The following GRIA1 variants were observed in gnomAD, a reference collection of about 807,000 sequenced individuals.
The protein encoded by GRIA1 is glutamate receptor 1.
GRIA1 carries 31 observed loss-of-function variants against 99.2 expected under a neutral mutation model. That is an observed-to-expected ratio of 0.31 (90% CI 0.23 to 0.42). The LOEUF (loss-of-function observed/expected upper bound fraction) is 0.42, where lower values mean the gene tolerates loss of function less well. Among genes scored for constraint, GRIA1 ranks in the 10% least tolerant of loss-of-function variants. The pLI is 1.00. For synonymous variants in GRIA1, 438 were observed against 432.4 expected (o/e 1.01, Z -0.16); for missense variants, 782 against 1,157.5 (o/e 0.68, Z 4.71).
chr5:153,596,349 T>C (rs1364574107), intron 2 of GRIA1, among the ~76,000 whole-genome samples: 1 of 152,226 alleles, frequency 6.6e-6, no homozygotes, highest in East Asian at 1.9e-4. Context: ...TTCGGCTCTG[T>C]CCACATGTAC....
intron 5 of GRIA1, among the ~76,000 whole-genome samples, 197 bp downstream of exon 5, chr5:153,656,069 C>T (rs1754923261): frequency 6.6e-6 from 1 of 152,092 alleles, no homozygotes; most frequent in Non-Finnish European, 1.5e-5. Context: ...ATTCATGAAC[C>T]TCTAACCTTC....
At chr5:153,637,923 T>A (rs1026017471) in intron 2 of GRIA1, among the ~76,000 whole-genome samples, 1 of 152,192 alleles carries the variant, frequency 6.6e-6, no homozygotes, top group Non-Finnish European at 1.5e-5. Context: ...AGCAGAAAAA[T>A]GAGGATTTGG....
chr5:153,669,052 C>A (rs1161139644), intron 5 of GRIA1, among the ~76,000 whole-genome samples: 1 of 152,174 alleles, frequency 6.6e-6, no homozygotes, highest in Non-Finnish European at 1.5e-5. Flanking sequence ...TTCCAAAGGT[C>A]TCTTAACCAT....
chr5:153,676,962 T>C (rs1466399753), intron 6 of GRIA1, 32 bp from the exon 7 acceptor site: 1 of 1,356,870 alleles, frequency 7.4e-7, no homozygotes, highest in African/African-American at 1.5e-5. Flanking sequence ...CAGCTCTCTT[T>C]GATACCTAAC....
chr5:153,513,348 G>A (rs1361015532), intron 2 of GRIA1, among the ~76,000 whole-genome samples: 2 of 152,056 alleles, frequency 1.3e-5, no homozygotes, highest in Non-Finnish European at 2.9e-5. Flanking sequence ...CATCTCACTA[G>A]ACCAAGAAAA....
chr5:153,667,507 A>C (rs1030096650), intron 5 of GRIA1, among the ~76,000 whole-genome samples: 2 of 152,202 alleles, frequency 1.3e-5, no homozygotes, highest in Admixed American at 1.3e-4. Flanking sequence ...TTTTGACCCA[A>C]TGATAATGAT....
intron 2 of GRIA1, among the ~76,000 whole-genome samples, chr5:153,516,929 A>T (rs978189997): frequency 2.0e-5 from 3 of 152,252 alleles, no homozygotes; most frequent in African/African-American, 2.4e-5. Context: ...TCATGGCCGT[A>T]TTATGAAGAA....
chr5:153,612,080 A>T (rs1292203404), intron 2 of GRIA1, among the ~76,000 whole-genome samples: 1 of 152,246 alleles, frequency 6.6e-6, no homozygotes, highest in African/African-American at 2.4e-5. Context: ...AGATGGGGAA[A>T]TGTGAGTCCT....
In GRIA1 at chr5:153,723,980, A is replaced by C. The variant is rs185814648; in HGVS notation, c.1823+17913A>C. Among the ~76,000 whole-genome samples, 1,387 of 152,320 alleles carry C rather than the reference A, an allele frequency of 9.1e-3. 13 individuals carry two copies. Among genetic ancestry groups the C allele is most frequent in the African/African-American group, 0.032 (1,310 of 41,576 alleles). On this transcript the variant is annotated intron_variant, in intron 11 of 15. Transcript: ENST00000285900. ...TAACCCCTGACCCCCAAGCAGCCTA[A>C]CTGGGAGGCGCCCCCCAGTAGGGGC...
chr5:153,804,934 C>A (rs924681552), intron 15 of GRIA1, among the ~76,000 whole-genome samples: 2 of 151,402 alleles, frequency 1.3e-5, no homozygotes, highest in African/African-American at 4.9e-5. Flanking sequence ...GTATTTTTAG[C>A]ACAGATGGGG....
intron 2 of GRIA1, among the ~76,000 whole-genome samples, chr5:153,521,856 G>C (rs17114703): frequency 0.061 from 9,248 of 152,298 alleles, 311 homozygotes; most frequent in Non-Finnish European, 0.078. Context: ...TGTGAGTTGA[G>C]TGGCATTGCT....
chr5:153,808,767 T>A (rs997808507), intron 15 of GRIA1, among the ~76,000 whole-genome samples: 1 of 152,234 alleles, frequency 6.6e-6, no homozygotes, highest in African/African-American at 2.4e-5. Flanking sequence ...CTGACTTTCA[T>A]AAATGTATTC....
chr5:153,652,077 A>C (rs937223170), intron 4 of GRIA1, among the ~76,000 whole-genome samples: 19 of 152,194 alleles, frequency 1.2e-4, no homozygotes, highest in African/African-American at 4.6e-4. Flanking sequence ...AGTCTGCCCC[A>C]CAGTAAGTGG....
At chr5:153,506,836 A>G (rs910447587) in intron 2 of GRIA1, among the ~76,000 whole-genome samples, 1 of 152,152 alleles carries the variant, frequency 6.6e-6, no homozygotes, top group African/African-American at 2.4e-5. Flanking sequence ...AATACTTTAA[A>G]ATATGGTTGG....
At chr5:153,628,256 C>T (rs1767824643) in intron 2 of GRIA1, among the ~76,000 whole-genome samples, 1 of 152,152 alleles carries the variant, frequency 6.6e-6, no homozygotes, top group African/African-American at 2.4e-5. Flanking sequence ...TGAGATTCTG[C>T]TCATCACAGG....
intron 2 of GRIA1, among the ~76,000 whole-genome samples, chr5:153,552,249 A>G (rs1332199164): frequency 2.2e-5 from 1 of 44,588 alleles, no homozygotes; most frequent in East Asian, 2.7e-4. Flanking sequence ...AAAAAAAAAG[A>G]AAAAAAAAAA....
intron 5 of GRIA1, among the ~76,000 whole-genome samples, chr5:153,664,987 G>C (rs1308817215): frequency 6.6e-6 from 1 of 152,202 alleles, no homozygotes; most frequent in African/African-American, 2.4e-5. Context: ...TAAGTCCACT[G>C]GGAACTGTAG....
At chr5:153,683,813 T>C (rs77900146) in intron 7 of GRIA1, among the ~76,000 whole-genome samples, 3,028 of 152,344 alleles carry the variant, frequency 0.02, 101 homozygotes, top group African/African-American at 0.069. Flanking sequence ...TGAAAACTTA[T>C]GTCCCAGACA....
intron 2 of GRIA1, among the ~76,000 whole-genome samples, chr5:153,631,600 C>G (rs1240996081): frequency 6.6e-6 from 1 of 152,104 alleles, no homozygotes; most frequent in African/African-American, 2.4e-5. Flanking sequence ...TGGGGAAAAG[C>G]ATGGAAGAAA....
Sources: allele counts gnomAD v4.1 joint callset (sites outside exome capture counted in the v4.1 genomes callset), GRCh38; gene constraint gnomAD v4.1.1; transcripts MANE v1.5; gene names NCBI Gene and HGNC (gene_info 2026-07-23, HGNC 2026-07-21).